CDH12: variants seen among roughly 807,000 people sequenced by gnomAD.
CDH12 encodes the protein cadherin 12.
CDH12 carries 41 observed loss-of-function variants against 74.1 expected under a neutral mutation model. The ratio of observed to expected loss-of-function variants is 0.55; its 90% CI spans 0.43 to 0.72. The LOEUF is 0.72. CDH12 is among the 30% of genes least tolerant of loss of function. CDH12 has a pLI of 0.00. For missense variants in CDH12, 945 were observed against 977.2 expected (o/e 0.97, Z 0.44); for synonymous variants, 399 against 355.0 (o/e 1.12, Z -1.39).
At chr5:22,575,364 A>G (rs1739732335) in intron 1 of CDH12, among the ~76,000 whole-genome samples, 1 of 152,030 alleles carries the variant, frequency 6.6e-6, no homozygotes, top group African/African-American at 2.4e-5. Flanking sequence ...TGAGGATATA[A>G]GCAAAATTGC....
At chr5:22,582,781 T>C (rs1740170360) in intron 1 of CDH12, among the ~76,000 whole-genome samples, 1 of 152,136 alleles carries the variant, frequency 6.6e-6, no homozygotes, top group Non-Finnish European at 1.5e-5. Context: ...TTTACTGCAA[T>C]TGTATCATGT....
At chr5:22,815,063 A>C (rs1168272019) in intron 1 of CDH12, among the ~76,000 whole-genome samples, 7 of 152,222 alleles carry the variant, frequency 4.6e-5, no homozygotes, top group Admixed American at 1.3e-4. Flanking sequence ...AGAGGGTTCA[A>C]CTTTTGCCTA....
At chr5:21,909,197 A>G (rs1236075899) in intron 6 of CDH12, among the ~76,000 whole-genome samples, 1 of 152,200 alleles carries the variant, frequency 6.6e-6, no homozygotes, top group African/African-American at 2.4e-5. Context: ...TTCATCTACC[A>G]AATCTGGGAG....
chr5:22,576,198 G>A (rs1739779631), intron 1 of CDH12, among the ~76,000 whole-genome samples: 1 of 152,174 alleles, frequency 6.6e-6, no homozygotes, highest in South Asian at 2.1e-4. Flanking sequence ...GCTGATATCT[G>A]AAGACTTTCT....
At chr5:22,813,822 C>T (rs143254773) in intron 1 of CDH12, among the ~76,000 whole-genome samples, 9 of 152,124 alleles carry the variant, frequency 5.9e-5, no homozygotes, top group Admixed American at 3.3e-4. Flanking sequence ...CTTCCCTGGT[C>T]GAGCCTCAGA....
chr5:22,234,252 G>T (rs1370743483), intron 3 of CDH12, among the ~76,000 whole-genome samples: 2 of 151,956 alleles, frequency 1.3e-5, no homozygotes, highest in Admixed American at 1.3e-4. Flanking sequence ...ATATGGTTTG[G>T]CTGTGTCCCC....
At chr5:22,734,889 A>G (rs1744607494) in intron 1 of CDH12, among the ~76,000 whole-genome samples, 1 of 152,004 alleles carries the variant, frequency 6.6e-6, no homozygotes, top group African/African-American at 2.4e-5. Context: ...AAATTTATCA[A>G]TAAGACAATG....
At chr5:21,770,374 AG>A (rs1745253534) in intron 11 of CDH12, among the ~76,000 whole-genome samples, 1 of 152,276 alleles carries the variant, frequency 6.6e-6, no homozygotes, top group Admixed American at 6.5e-5. Flanking sequence ...CTGTAATCTC[AG>A]CAATTTGGGA....
intron 11 of CDH12, among the ~76,000 whole-genome samples, chr5:21,769,362 A>C (rs188236199): frequency 8.5e-4 from 129 of 152,246 alleles, no homozygotes; most frequent in African/African-American, 3.0e-3. Context: ...GAAAATGCTA[A>C]GGAATCTGCA....
chr5:21,992,113 A>G (rs1277245115), intron 5 of CDH12, among the ~76,000 whole-genome samples: 1 of 152,090 alleles, frequency 6.6e-6, no homozygotes, highest in East Asian at 1.9e-4. Context: ...ACACATTAAG[A>G]AAGGAATCAT....
At chr5:21,906,131 A>T (rs1409121736) in intron 6 of CDH12, among the ~76,000 whole-genome samples, 4 of 152,120 alleles carry the variant, frequency 2.6e-5, no homozygotes, top group Non-Finnish European at 5.9e-5. Flanking sequence ...ATTTTTAAAG[A>T]TGGATATTTT....
At chr5:22,448,157 C>CA (rs756574776) in intron 2 of CDH12, among the ~76,000 whole-genome samples, 1,687 of 96,134 alleles carry the variant, frequency 0.018, 26 homozygotes, top group African/African-American at 0.053. Context: ...GACCCTGTGT[C>CA]AAAAAAAAAA....
intron 1 of CDH12, among the ~76,000 whole-genome samples, chr5:22,708,703 G>A (rs1384730352): frequency 6.6e-6 from 1 of 152,094 alleles, no homozygotes; most frequent in Non-Finnish European, 1.5e-5. Flanking sequence ...AAATCTATAT[G>A]AAATGCATTT....
At chr5:22,723,222 AG>A (rs1206731133) in intron 1 of CDH12, among the ~76,000 whole-genome samples, 1 of 152,184 alleles carries the variant, frequency 6.6e-6, no homozygotes. Flanking sequence ...AAAGGTAGAA[AG>A]GGGTTGGAAG....
intron 9 of CDH12, among the ~76,000 whole-genome samples, chr5:21,812,220 A>G (rs1747786302): frequency 6.6e-6 from 1 of 152,116 alleles, no homozygotes; most frequent in African/African-American, 2.4e-5. Flanking sequence ...TCTGTTAGCT[A>G]AAAAATTAAA....
chr5:22,134,271 G>C (rs1460741016), intron 4 of CDH12, among the ~76,000 whole-genome samples: 1 of 152,116 alleles, frequency 6.6e-6, no homozygotes, highest in Non-Finnish European at 1.5e-5. Flanking sequence ...GCTAGAGATG[G>C]TGAGCGTTCC....
intron 1 of CDH12, among the ~76,000 whole-genome samples, chr5:22,780,510 T>C (rs2126345245): frequency 6.6e-6 from 1 of 152,202 alleles, no homozygotes; most frequent in African/African-American, 2.4e-5. Flanking sequence ...TCACAGGGCA[T>C]CAGGAAGGAG....
At chr5:22,417,742 A>C (rs1743460037) in intron 2 of CDH12, among the ~76,000 whole-genome samples, 1 of 152,234 alleles carries the variant, frequency 6.6e-6, no homozygotes, top group Non-Finnish European at 1.5e-5. Context: ...ATATAAAGAA[A>C]ATATGGCCTC....
chr5:22,149,447 T>C (rs989853589), intron 4 of CDH12, among the ~76,000 whole-genome samples: 1 of 152,176 alleles, frequency 6.6e-6, no homozygotes, highest in African/African-American at 2.4e-5. Flanking sequence ...CTATATGTTT[T>C]TCTAGACCCA....
Sources: allele counts gnomAD v4.1 joint callset (sites outside exome capture counted in the v4.1 genomes callset), GRCh38; gene constraint gnomAD v4.1.1; transcripts MANE v1.5; gene names NCBI Gene and HGNC (gene_info 2026-07-23, HGNC 2026-07-21).